The following F5 variants were observed in gnomAD, a reference collection of about 807,000 sequenced individuals.
The protein encoded by F5 is coagulation factor V.
A neutral mutation model predicts 216.4 loss-of-function variants in F5; 138 were observed. The ratio of observed to expected loss-of-function variants is 0.64; its 90% CI spans 0.56 to 0.73. The LOEUF (loss-of-function observed/expected upper bound fraction) is 0.73. Among genes scored for constraint, F5 ranks in the 30% least tolerant of loss-of-function variants. F5 has a pLI of 0.00. For synonymous variants in F5, 916 were observed against 930.7 expected (o/e 0.98, Z 0.29); for missense variants, 2,403 against 2,674.0 (o/e 0.90, Z 2.24).
chr1:169,547,176 GAAACAAAC>G (rs1216861169), intron 10 of F5, among the ~76,000 whole-genome samples: 1 of 151,632 alleles, frequency 6.6e-6, no homozygotes, highest in Non-Finnish European at 1.5e-5. Context: ...AAAAATAACA[GAAACAAAC>G]AAACAAAAAA....
At chr1:169,525,599 ACCTTTTCCCT>A (rs1240261606) in intron 18 of F5, among the ~76,000 whole-genome samples, 1 of 152,160 alleles carries the variant, frequency 6.6e-6, no homozygotes, top group African/African-American at 2.4e-5. Flanking sequence ...AATTCCTGTG[ACCTTTTCCCT>A]CCTCAACTCT....
intron 6 of F5, 62 bp from the exon 7 acceptor site, chr1:169,555,409 G>A: frequency 1.3e-6 from 2 of 1,509,180 alleles, no homozygotes; most frequent in Non-Finnish European, 1.8e-6. Context: ...TGATTGAAAT[G>A]CATATCCTTT....
intron 4 of F5, 46 bp downstream of exon 4, chr1:169,560,508 C>A: frequency 1.9e-6 from 3 of 1,587,306 alleles, no homozygotes; most frequent in South Asian, 2.2e-5. Flanking sequence ...AACTCCTGAC[C>A]ATTCCAACAT....
At chr1:169,544,873 AT>A (rs1659963122) in intron 11 of F5, among the ~76,000 whole-genome samples, 1 of 152,220 alleles carries the variant, frequency 6.6e-6, no homozygotes, top group Non-Finnish European at 1.5e-5. Context: ...TCTTTTTGAT[AT>A]ATTAGTCATT....
intron 9 of F5, among the ~76,000 whole-genome samples, chr1:169,550,274 T>G (rs934681517): frequency 1.4e-4 from 5 of 36,282 alleles, no homozygotes; most frequent in Non-Finnish European, 2.7e-4. Context: ...ATGCTATCCC[T>G]CCCCCCGCCC....
chr1:169,562,809 C>T (rs111321535), intron 3 of F5, among the ~76,000 whole-genome samples: 1 of 151,976 alleles, frequency 6.6e-6, no homozygotes, highest in Non-Finnish European at 1.5e-5. Flanking sequence ...ATATACCCCA[C>T]AATAAATTGT....
intron 10 of F5, among the ~76,000 whole-genome samples, chr1:169,548,689 G>A (rs1430353918): frequency 6.6e-6 from 1 of 151,992 alleles, no homozygotes; most frequent in East Asian, 1.9e-4. Flanking sequence ...CCAACATGGT[G>A]AAACCCTGTC....
chr1:169,552,149 T>C (rs1048171700), intron 8 of F5, among the ~76,000 whole-genome samples: 26 of 152,246 alleles, frequency 1.7e-4, no homozygotes, highest in Admixed American at 6.5e-5. Context: ...CTCTTAGATC[T>C]TAACATCAGG....
chr1:169,518,663 T>C, intron 22 of F5, 100 bp from the exon 23 acceptor site: 1 of 1,297,402 alleles, frequency 7.7e-7, no homozygotes, highest in Non-Finnish European at 1.1e-6. Context: ...TACCAACAAA[T>C]GACAAAAACA....
intron 18 of F5, 52 bp from the exon 19 acceptor site, chr1:169,524,960 A>G (rs1232827978): frequency 1.3e-5 from 17 of 1,358,414 alleles, no homozygotes; most frequent in Non-Finnish European, 1.7e-5. Context: ...AATATATACA[A>G]TAAAGTAAAA....
intron 4 of F5, 78 bp downstream of exon 4, chr1:169,560,475 TC>T: frequency 7.2e-7 from 1 of 1,398,298 alleles, no homozygotes; most frequent in East Asian, 2.3e-5. Flanking sequence ...ACCAAGATGC[TC>T]CCAAGCTTTG....
At chr1:169,564,164 A>C (rs35852972) in intron 3 of F5, among the ~76,000 whole-genome samples, 41,506 of 151,896 alleles carry the variant, frequency 0.27, 6,017 homozygotes, top group South Asian at 0.36. Context: ...AACATAAACG[A>C]TTACCGGCCC....
At position 169,514,220 on chromosome 1, in the gene F5, T is replaced by G. The variant is rs775787259; in HGVS notation, c.*93A>C. The G allele has an allele frequency of 7.7e-7, 1 of 1,301,076 alleles. No individual in the cohort carries two copies. The highest frequency in any genetic ancestry group is 1.1e-6 in the Non-Finnish European group (1 of 904,934). 80.6% of individuals were successfully genotyped at this position (1,301,076 alleles called of 1,614,324 possible). A position where few individuals can be genotyped will look rare whatever the true frequency, so the allele number is the denominator to read the frequency against. On this transcript the variant is annotated 3_prime_UTR_variant, in exon 25 of 25. Coordinates refer to ENST00000367797, the MANE Select transcript of F5 (RefSeq NM_000130.5). ...AAAAGAAAGAGAAATAGTGGAAAAC[T>G]GTTAACATTTAACACAGCGTAAAAT...
At chr1:169,566,147 A>G (rs907018598) in intron 3 of F5, among the ~76,000 whole-genome samples, 1 of 152,078 alleles carries the variant, frequency 6.6e-6, no homozygotes, top group Non-Finnish European at 1.5e-5. Context: ...CTAGTTGATG[A>G]GCTGCACCAT....
chr1:169,539,515 G>C (rs143944621), intron 13 of F5, among the ~76,000 whole-genome samples: 2 of 152,306 alleles, frequency 1.3e-5, no homozygotes, highest in East Asian at 3.9e-4. Flanking sequence ...GGAAGTCATA[G>C]GAAAAGGTGT....
chr1:169,542,422 C>G lies in F5; in HGVS notation c.2668G>C (p.Val890Leu). The change falls in exon 13 of 25, where the codon GTT (valine) becomes CTT (leucine). Residue 890 changes from valine (V) to leucine (L), a missense_variant. Val to Leu is a conservative substitution (Grantham distance 32). Transcript: ENST00000367797. Reference protein sequence around the residue: ...FSWMKLLAHKVGRHLSQDTGS... With the variant: ...FSWMKLLAHKLGRHLSQDTGS... Reference sequence around the variant, plus strand: ...GTGTCTTGGCTTAGGTGTCTCCCAACTTTATGTGCTAGTAATTTCATCCAG... The same window carrying G: ...GTGTCTTGGCTTAGGTGTCTCCCAAGTTTATGTGCTAGTAATTTCATCCAG... The G allele has an allele frequency of 6.2e-7, 1 of 1,614,134 alleles. No individual in the cohort carries two copies.
chr1:169,524,874 G>C lies in F5; in HGVS notation c.5751C>G (p.Ile1917Met), dbSNP rs756885468. The change falls in exon 19 of 25, where the codon ATC becomes ATG. Residue 1917 changes from isoleucine to methionine, a missense_variant. Transcript: ENST00000367797. ...CRMPMGLSTG[I>M]ISDSQIKASE... ...AAGCCTTGATCTGTGAATCAGATAT[G>C]ATACCAGTGCTTAGTCCCATTGGCA... 2.5e-6 allele frequency: 4 copies of C among 1,613,676 alleles called. No homozygotes were observed. In the East Asian group the frequency reaches 8.9e-5, roughly 36 times the overall value.
At chr1:169,519,791 C>T (rs1289260315) in intron 22 of F5, among the ~76,000 whole-genome samples, 1 of 152,168 alleles carries the variant, frequency 6.6e-6, no homozygotes, top group Non-Finnish European at 1.5e-5. Flanking sequence ...TTTATTGCTT[C>T]ATTCTTTTAC....
chr1:169,576,063 C>A (rs1462574927), intron 2 of F5, among the ~76,000 whole-genome samples: 1 of 152,086 alleles, frequency 6.6e-6, no homozygotes, highest in Non-Finnish European at 1.5e-5. Context: ...GTGTAGGCAG[C>A]TTCCAGTAAC....
Sources: gnomAD v4.1 joint callset for allele counts (sites outside exome capture counted in the v4.1 genomes callset) on GRCh38, gnomAD v4.1.1 for gene constraint, MANE v1.5 for transcripts, NCBI Gene and HGNC (gene_info 2026-07-23, HGNC 2026-07-21) for gene names.